TARBP1: variants seen among roughly 807,000 people sequenced by gnomAD.
The protein encoded by TARBP1 is tRNA (guanosine(18)-2'-O)-methyltransferase TARBP1.
In TARBP1, 144 loss-of-function variants were observed where a neutral mutation model predicts 178.6. The ratio of observed to expected loss-of-function variants is 0.81; its 90% CI spans 0.70 to 0.93. TARBP1 has a LOEUF of 0.93. TARBP1 is among the 40% of genes least tolerant of loss of function. TARBP1 has a pLI of 0.00. For synonymous variants in TARBP1, 787 were observed against 781.0 expected (o/e 1.01, Z -0.13); for missense variants, 2,067 against 2,011.7 (o/e 1.03, Z -0.53).
chr1:234,457,806 A>C, intron 8 of TARBP1, 50 bp from the exon 9 acceptor site: 1 of 1,412,812 alleles, frequency 7.1e-7, no homozygotes. Context: ...AAAATGTTTA[A>C]TTGAATAAAC....
At chr1:234,449,020 C>T (rs992961984) in intron 10 of TARBP1, among the ~76,000 whole-genome samples, 4 of 152,074 alleles carry the variant, frequency 2.6e-5, no homozygotes, top group South Asian at 2.1e-4. Flanking sequence ...CTGAGTGTGA[C>T]GACTCAAGAG....
chr1:234,410,315 T>C, intron 23 of TARBP1, 130 bp downstream of exon 23: 1 of 571,052 alleles, frequency 1.8e-6, no homozygotes, highest in Non-Finnish European at 3.2e-6. Flanking sequence ...ATGTGCACAT[T>C]AGCAGGGCAG....
At chr1:234,407,409 C>T (rs1661359845) in intron 23 of TARBP1, 1 of 148,986 alleles carries the variant, frequency 6.7e-6, no homozygotes, top group African/African-American at 2.5e-5. Context: ...GCAATCTTGG[C>T]TCATTGCAAT....
intron 23 of TARBP1, among the ~76,000 whole-genome samples, chr1:234,410,228 G>T (rs1322348973): frequency 6.6e-6 from 1 of 152,080 alleles, no homozygotes. Context: ...TATAAATTTG[G>T]TATGTACTCA....
At position 234,432,396 on chromosome 1, in the gene TARBP1, C is replaced by T. The variant is rs1263916059; in HGVS notation, c.2394+1014G>A. On this transcript the variant is annotated intron_variant, in intron 14 of 29. Coordinates refer to ENST00000040877, the MANE Select transcript of TARBP1 (RefSeq NM_005646.4). The stretch of plus-strand genomic sequence containing the variant: ...GGCTGAGACTGCAGTGAGCCAAGAT[C>T]ACGCCACTGCACTCGGTCTGGGTGA... Among the ~76,000 whole-genome samples, 10 of 152,220 alleles carry T rather than the reference C, an allele frequency of 6.6e-5. No individual in the cohort carries two copies. In the East Asian group the frequency reaches 1.9e-3, roughly 29 times the overall value.
intron 9 of TARBP1, 90 bp from the exon 10 acceptor site, chr1:234,450,656 G>A (rs780266455): frequency 1.1e-4 from 147 of 1,369,970 alleles, no homozygotes; most frequent in Middle Eastern, 6.7e-4. Flanking sequence ...TTTCTTTCAC[G>A]ATAAACCAAA....
rs780815671 is a variant in TARBP1, at chr1:234,410,408, T to C, written c.3792+37A>G. On this transcript the variant is annotated intron_variant, in intron 23 of 29. Transcript: ENST00000040877. ...TGGTACAAATACATACAATTCTTTT[T>C]TTACAGTCAAGTTTAAATTCTTACA... 5.2e-5 allele frequency: 65 copies of C among 1,247,966 alleles called. 1 individual carries two copies. Among genetic ancestry groups the C allele is most frequent in the Non-Finnish European group, 6.4e-5 (56 of 880,272 alleles). The allele number at this position is 1,247,966 out of a possible 1,614,324, so 77.3% of individuals were successfully genotyped here. A position where few individuals can be genotyped will look rare whatever the true frequency, so the allele number is the denominator to read the frequency against.
In TARBP1 at chr1:234,459,311, G is replaced by A; in HGVS notation, c.1551C>T (p.Cys517=). Residue 517 remains cysteine, a synonymous_variant, in exon 8 of 30, where the codon TGC becomes TGT. Coordinates refer to ENST00000040877, the MANE Select transcript of TARBP1 (RefSeq NM_005646.4). ...GLLALRDVIH[C]TMITHQILLR... ...GGAGAATCTGATGTGTGATCATAGT[G>A]CAATGAATAACATCCCTGACATCGA... 6.2e-7 allele frequency: 1 copy of A among 1,610,366 alleles called. No individual in the cohort carries two copies. Among genetic ancestry groups the A allele is most frequent in the Non-Finnish European group, 8.5e-7 (1 of 1,178,558 alleles).
In TARBP1 at chr1:234,398,508, C is replaced by G. The variant is rs1276482578; in HGVS notation, c.4117G>C (p.Glu1373Gln). The G allele has an allele frequency of 6.2e-7, 1 of 1,609,456 alleles. No individual in the cohort carries two copies. Residue 1373 changes from glutamate to glutamine, a missense_variant, in exon 26 of 30, where the codon GAA becomes CAA. Glu to Gln is a conservative substitution (Grantham distance 29). Coordinates refer to ENST00000040877, the MANE Select transcript of TARBP1 (RefSeq NM_005646.4). ...GTAAATTTATCAATGGTGATCCATT[C>G]ATCTTCAATAAGGCCTGAAAGGCGT... ...LPRLSGLIED[E>Q]WITIDKFTRF...
At chr1:234,442,779 C>A (rs963203443) in intron 12 of TARBP1, among the ~76,000 whole-genome samples, 3 of 152,098 alleles carry the variant, frequency 2.0e-5, no homozygotes, top group Admixed American at 6.5e-5. Flanking sequence ...AAAGCTTAGG[C>A]CTTGGAGAAG....
intron 1 of TARBP1, among the ~76,000 whole-genome samples, chr1:234,477,365 T>G (rs1669663232): frequency 6.6e-6 from 1 of 152,234 alleles, no homozygotes; most frequent in South Asian, 2.1e-4. Flanking sequence ...AAATATAACC[T>G]CATAACTTCA....
At chr1:234,444,681 TCTC>T (rs1665967427) in intron 12 of TARBP1, among the ~76,000 whole-genome samples, 1 of 143,578 alleles carries the variant, frequency 7.0e-6, no homozygotes. Context: ...CCTCACTCTA[TCTC>T]CTCTTTCCTT....
chr1:234,423,380 T>C (rs1377404056), intron 20 of TARBP1, among the ~76,000 whole-genome samples: 1 of 152,108 alleles, frequency 6.6e-6, no homozygotes, highest in Non-Finnish European at 1.5e-5. Context: ...GCTCCAATTA[T>C]CTCCCATCTT....
chr1:234,457,269 T>A (rs1161593800), intron 9 of TARBP1, among the ~76,000 whole-genome samples: 2 of 152,106 alleles, frequency 1.3e-5, no homozygotes, highest in African/African-American at 4.8e-5. Flanking sequence ...AAACTCAGAA[T>A]TACCAAAACA....
Position 234,397,192 on chromosome 1 carries a change from T to C in TARBP1, c.4243+1190A>G, listed in dbSNP as rs189229242. ...CTGATTCTTGGGTTTTTAGGACAGC[T>C]TGACTGTGAAGGGGAAGAGGAGGAG... On this transcript the variant is annotated intron_variant, in intron 26 of 29. Coordinates refer to ENST00000040877, the MANE Select transcript of TARBP1 (RefSeq NM_005646.4). 3.5e-3 allele frequency among the ~76,000 whole-genome samples: 119 copies of C among 34,216 alleles called. 2 individuals carry two copies. The highest frequency in any genetic ancestry group is 0.017 in the African/African-American group (117 of 6,700). The allele number at this position is 34,216 out of a possible 152,430, so 22.4% of individuals were successfully genotyped here.
At chr1:234,400,376 A>G (rs2103042049) in intron 25 of TARBP1, 1 of 152,336 alleles carries the variant, frequency 6.6e-6, no homozygotes, top group East Asian at 1.9e-4. Flanking sequence ...CCTAAATGAT[A>G]TTTGCAGTGA....
rs1663669586 is a variant in TARBP1 at position 234,425,690 on chromosome 1, T to C, written c.3427A>G (p.Ile1143Val). The C allele has an allele frequency of 3.1e-6, 5 of 1,611,842 alleles. No individual in the cohort carries two copies. The highest frequency in any genetic ancestry group is 1.3e-5 in the African/African-American group (1 of 74,844). Residue 1143 changes from isoleucine (I) to valine (V), a missense_variant, in exon 20 of 30, where the codon ATC becomes GTC. Physicochemically the swap from Ile to Val is conservative, Grantham distance 29. Transcript: ENST00000040877. The stretch of plus-strand genomic sequence containing the variant: ...ACACTTACTTTATCTAATAGCTTGA[T>C]TGCAAGATCCTCAATAAACAACTTG... ...SHKLFIEDLA[I>V]KLLDKDELVS...
chr1:234,440,892 T>C (rs1230962055), intron 12 of TARBP1, among the ~76,000 whole-genome samples: 1 of 152,082 alleles, frequency 6.6e-6, no homozygotes, highest in African/African-American at 2.4e-5. Context: ...CCTAAGTAAA[T>C]GCAGAGACAG....
intron 26 of TARBP1, 152 bp downstream of exon 26, chr1:234,398,230 C>G (rs1660335262): frequency 2.0e-6 from 1 of 507,102 alleles, no homozygotes; most frequent in African/African-American, 2.0e-5. Context: ...TTATACCACA[C>G]TTTTTCACTG....
Sources: gnomAD v4.1 joint callset for allele counts (sites outside exome capture counted in the v4.1 genomes callset) on GRCh38, gnomAD v4.1.1 for gene constraint, MANE v1.5 for transcripts, NCBI Gene and HGNC (gene_info 2026-07-23, HGNC 2026-07-21) for gene names.